DENND4A: variants seen among roughly 807,000 people sequenced by gnomAD.
The protein encoded by DENND4A is C-myc promoter-binding protein.
DENND4A carries 70 observed loss-of-function variants against 199.3 expected under a neutral mutation model. The observed-to-expected ratio is 0.35, with a 90% CI of 0.29 to 0.43. The LOEUF is 0.43. Ranked by LOEUF, DENND4A falls within the 20% of genes least tolerant of loss-of-function variation. The pLI is 1.00. For missense variants in DENND4A, 1,723 were observed against 2,255.8 expected, an observed-to-expected ratio of 0.76 and a Z score of 4.78; for synonymous variants, 686 against 766.9, an observed-to-expected ratio of 0.89 and a Z score of 1.74.
rs766538090 is a variant in DENND4A at position 65,667,968 on chromosome 15, A to G, written c.4943T>C (p.Leu1648Pro). 6.2e-7 allele frequency: 1 copy of G among 1,610,782 alleles called. No individual in the cohort carries two copies. Among genetic ancestry groups the G allele is most frequent in the South Asian group, 1.1e-5 (1 of 90,174 alleles). Reference protein sequence around the residue: ...LDKEDTGRQKLISTGSLPATL... With the variant: ...LDKEDTGRQKPISTGSLPATL... ...AGCTGGCAGGCTGCCTGTAGAAATG[A>G]GCTTCTGTCTTCCAGTATCTTCCTT... Residue 1648 changes from leucine (L) to proline (P), a missense_variant, in exon 28 of 33, where the codon CTC becomes CCC. Transcript: ENST00000443035.
At chr15:65,740,307 A>G (rs561360889) in intron 5 of DENND4A, among the ~76,000 whole-genome samples, 90 of 151,898 alleles carry the variant, frequency 5.9e-4, no homozygotes, top group African/African-American at 2.1e-3. Context: ...AGAAAAAAAA[A>G]GAAATATTGA....
At chr15:65,780,337 A>G (rs1596695011) in intron 1 of DENND4A, among the ~76,000 whole-genome samples, 1 of 152,378 alleles carries the variant, frequency 6.6e-6, no homozygotes, top group East Asian at 1.9e-4. Flanking sequence ...GCTACAGTAC[A>G]GATTAAATGA....
chr15:65,713,388 T>C (rs1476341625), intron 14 of DENND4A, among the ~76,000 whole-genome samples: 5 of 152,236 alleles, frequency 3.3e-5, no homozygotes, highest in Non-Finnish European at 5.9e-5. Context: ...TGCATTCTCA[T>C]TGTAACCTAT....
At chr15:65,769,288 T>C (rs2077067586) in intron 1 of DENND4A, among the ~76,000 whole-genome samples, 2 of 152,084 alleles carry the variant, frequency 1.3e-5, no homozygotes, top group Non-Finnish European at 2.9e-5. Context: ...AGTAAGACCT[T>C]ATATTTGGTG....
chr15:65,759,244 C>T (rs957657333), intron 2 of DENND4A, among the ~76,000 whole-genome samples: 7 of 151,988 alleles, frequency 4.6e-5, no homozygotes, highest in African/African-American at 7.2e-5. Flanking sequence ...TTTGGGAGGC[C>T]GAGGCGGGTG....
intron 20 of DENND4A, among the ~76,000 whole-genome samples, chr15:65,697,722 A>C (rs1318697270): frequency 6.6e-6 from 1 of 152,218 alleles, no homozygotes. Context: ...TTTCTAGTTG[A>C]AAGTTTGAGT....
chr15:65,772,235 G>T, intron 1 of DENND4A: 1 of 579,130 alleles, frequency 1.7e-6, no homozygotes, highest in Non-Finnish European at 3.1e-6. Context: ...AGGAAATCAT[G>T]ACTCTGATTC....
chr15:65,775,283 C>T (rs1162280066), intron 1 of DENND4A, among the ~76,000 whole-genome samples: 1 of 151,678 alleles, frequency 6.6e-6, no homozygotes, highest in Non-Finnish European at 1.5e-5. Flanking sequence ...GAGGTCAAGG[C>T]TATAGTGAGC....
intron 23 of DENND4A, among the ~76,000 whole-genome samples, chr15:65,677,177 TTATG>T: frequency 6.6e-6 from 1 of 152,328 alleles, no homozygotes; most frequent in East Asian, 1.9e-4. Context: ...CATAAAAATG[TTATG>T]TGTGTGCATA....
chr15:65,775,863 A>G lies in DENND4A; in HGVS notation c.-101-14425T>C, dbSNP rs181794044. 8.5e-5 allele frequency among the ~76,000 whole-genome samples: 13 copies of G among 152,292 alleles called. No individual in the cohort carries two copies. In the East Asian group the frequency reaches 2.5e-3, roughly 29 times the overall value. On this transcript the variant is annotated intron_variant, in intron 1 of 32. Coordinates refer to ENST00000443035, the MANE Select transcript of DENND4A (RefSeq NM_001320835.1). ...TAAGTTTCATTAAGTTAAATGGGGT[A>G]AAAATTCACTTCAGTCATACTGAAC...
At position 65,664,146 on chromosome 15, in the gene DENND4A, A is replaced by G. The variant is rs146675846; in HGVS notation, c.5587+184T>C. 5.3e-3 allele frequency among the ~76,000 whole-genome samples: 813 copies of G among 152,164 alleles called. 6 individuals are homozygous for G. The highest frequency in any genetic ancestry group is 0.019 in the African/African-American group (780 of 41,520). On this transcript the variant is annotated intron_variant, in intron 32 of 32. Coordinates refer to ENST00000443035, the MANE Select transcript of DENND4A (RefSeq NM_001320835.1). ...AACATTTTCATCTCACCAAAAAGAA[A>G]CCTTATACCAGTTAGCAGTCACTCC... is the stretch of plus-strand genomic sequence containing the variant.
intron 1 of DENND4A, among the ~76,000 whole-genome samples, chr15:65,791,799 G>T (rs2077736155): frequency 6.6e-6 from 1 of 152,186 alleles, no homozygotes; most frequent in South Asian, 2.1e-4. Flanking sequence ...GCAGAGGCGC[G>T]GGTGCTACTC....
intron 23 of DENND4A, among the ~76,000 whole-genome samples, chr15:65,688,712 G>T (rs1207855651): frequency 6.6e-6 from 1 of 152,160 alleles, no homozygotes; most frequent in African/African-American, 2.4e-5. Context: ...AGGAAATATG[G>T]GGTTTCTCTT....
intron 9 of DENND4A, among the ~76,000 whole-genome samples, chr15:65,730,439 G>A (rs2075925471): frequency 6.6e-6 from 1 of 151,964 alleles, no homozygotes; most frequent in African/African-American, 2.4e-5. Context: ...CAAAAAAATC[G>A]GGGTAAGTTC....
At chr15:65,771,912 C>T (rs112796084) in intron 1 of DENND4A, 2 of 1,611,590 alleles carry the variant, frequency 1.2e-6, no homozygotes, top group Non-Finnish European at 1.7e-6. Context: ...CTGGATGAAA[C>T]TTCAAAGCAA....
At chr15:65,780,336 C>T (rs1379308409) in intron 1 of DENND4A, among the ~76,000 whole-genome samples, 2 of 152,140 alleles carry the variant, frequency 1.3e-5, no homozygotes, top group African/African-American at 2.4e-5. Context: ...TGCTACAGTA[C>T]AGATTAAATG....
At position 65,729,663 on chromosome 15, in the gene DENND4A, T is replaced by C; in HGVS notation, c.1182A>G (p.Ser394=). Residue 394 remains serine (S), a synonymous_variant, in exon 10 of 33, where the codon TCA becomes TCG. Coordinates refer to ENST00000443035, the MANE Select transcript of DENND4A (RefSeq NM_001320835.1). ...CAGGGCCTAAATTCTGCAGTAGTGT[T>C]GAAAACTTGCCACCACTGTCAATCC... ...SPLPLSGGKF[S]TLLQNLGPEN... The C allele has an allele frequency of 1.3e-6, 2 of 1,551,640 alleles. No individual in the cohort carries two copies. The highest frequency in any genetic ancestry group is 2.4e-5 in the South Asian group (2 of 83,272).
chr15:65,775,886 A>C (rs1193535414), intron 1 of DENND4A, among the ~76,000 whole-genome samples: 1 of 152,178 alleles, frequency 6.6e-6, no homozygotes, highest in Non-Finnish European at 1.5e-5. Flanking sequence ...AGTCATACTG[A>C]ACCATTTACA....
At chr15:65,718,760 CTTTTTTTTTTTTTTTT>C (rs1038227560) in intron 12 of DENND4A, among the ~76,000 whole-genome samples, 9 of 67,772 alleles carry the variant, frequency 1.3e-4, no homozygotes, top group African/African-American at 2.5e-4. Context: ...GTTTTTTTTC[CTTTTTTTTTTTTTTTT>C]TTTTTTTTTT....
Sources: gnomAD v4.1 joint callset for allele counts (sites outside exome capture counted in the v4.1 genomes callset) on GRCh38, gnomAD v4.1.1 for gene constraint, MANE v1.5 for transcripts, NCBI Gene and HGNC (gene_info 2026-07-23, HGNC 2026-07-21) for gene names.